The following DISC1 variants were observed in gnomAD, a reference collection of about 807,000 sequenced individuals.
DISC1 encodes the protein DISC1 scaffold protein, also known as disrupted in schizophrenia 1 protein.
In DISC1, 57 loss-of-function variants were observed where a neutral mutation model predicts 84.5. That is an observed-to-expected ratio of 0.67 (90% CI 0.55 to 0.84). The LOEUF is 0.84. Among genes scored for constraint, DISC1 ranks in the 40% least tolerant of loss-of-function variants. DISC1 has a pLI of 0.00. For synonymous variants in DISC1, 411 were observed against 415.2 expected, an observed-to-expected ratio of 0.99 and a Z score of 0.12; for missense variants, 1,000 against 1,057.8, an observed-to-expected ratio of 0.95 and a Z score of 0.76.
At chr1:231,686,471 C>T (rs374043302) in intron 1 of DISC1, among the ~76,000 whole-genome samples, 5 of 152,170 alleles carry the variant, frequency 3.3e-5, no homozygotes, top group Admixed American at 6.5e-5. Flanking sequence ...AGCCACGGCC[C>T]GAGCTCTATG....
At chr1:231,874,621 A>G (rs1002589557) in intron 9 of DISC1, among the ~76,000 whole-genome samples, 1 of 151,888 alleles carries the variant, frequency 6.6e-6, no homozygotes, top group African/African-American at 2.4e-5. Flanking sequence ...TGAATTATTA[A>G]GAATACCAGG....
At chr1:232,023,434 C>T (rs6541293) in intron 11 of DISC1, among the ~76,000 whole-genome samples, 99,945 of 151,734 alleles carry the variant, frequency 0.66, 33,200 homozygotes, top group East Asian at 0.72. Flanking sequence ...ATTACAAGGG[C>T]TTAATAAAAG....
chr1:231,853,017 A>G (rs769140713), intron 9 of DISC1, among the ~76,000 whole-genome samples: 3 of 152,194 alleles, frequency 2.0e-5, no homozygotes, highest in Non-Finnish European at 2.9e-5. Flanking sequence ...ATTAGACTGC[A>G]GTTAGGAAAT....
chr1:231,878,500 A>C (rs1472856085), intron 9 of DISC1, among the ~76,000 whole-genome samples: 1 of 152,128 alleles, frequency 6.6e-6, no homozygotes, highest in Non-Finnish European at 1.5e-5. Context: ...AGAGATGGGG[A>C]GCTGAGAGGG....
chr1:231,696,640 C>T (rs2065746309), intron 2 of DISC1, among the ~76,000 whole-genome samples: 1 of 152,204 alleles, frequency 6.6e-6, no homozygotes, highest in African/African-American at 2.4e-5. Context: ...GACAGTGGTC[C>T]TGTGAGATTA....
intron 10 of DISC1, among the ~76,000 whole-genome samples, chr1:231,992,967 C>T (rs1006080930): frequency 2.0e-5 from 3 of 152,048 alleles, no homozygotes; most frequent in Non-Finnish European, 2.9e-5. Context: ...TAGAAGAGGG[C>T]GTCTGTAGAC....
intron 9 of DISC1, among the ~76,000 whole-genome samples, chr1:231,922,416 C>T (rs909221903): frequency 6.6e-6 from 1 of 152,156 alleles, no homozygotes; most frequent in Non-Finnish European, 1.5e-5. Flanking sequence ...ACTGAGCCCA[C>T]GAAGCTTGTC....
rs201443111 is a variant in DISC1, at chr1:232,009,193, T to C, written c.2307+144T>C. 2.2e-5 allele frequency: 32 copies of C among 1,446,774 alleles called. No individual in the cohort carries two copies. Among genetic ancestry groups the C allele is most frequent in the Non-Finnish European group, 2.7e-5 (30 of 1,099,628 alleles). 89.6% of individuals were successfully genotyped at this position (1,446,774 alleles called of 1,614,324 possible). On this transcript the variant is annotated intron_variant, in intron 11 of 12. Coordinates refer to ENST00000439617, the MANE Select transcript of DISC1 (RefSeq NM_018662.3). The surrounding 1 kb of genome is among the most constrained non-coding windows in gnomAD (Gnocchi z 4.6). ...TAAAAGTTTCAATAACTCTTGAATA[T>C]GATTACAAAATAAAGTAGAATTTTT...
chr1:231,765,456 G>A (rs2076103004), intron 4 of DISC1, among the ~76,000 whole-genome samples: 1 of 152,022 alleles, frequency 6.6e-6, no homozygotes, highest in Non-Finnish European at 1.5e-5. Context: ...TTATAAATTA[G>A]CAATATTATC....
chr1:231,682,910 T>G (rs1406360062), intron 1 of DISC1, among the ~76,000 whole-genome samples: 1 of 152,242 alleles, frequency 6.6e-6, no homozygotes, highest in Non-Finnish European at 1.5e-5. Context: ...TTTTTGACCC[T>G]TAAACACGAA....
chr1:231,988,396 A>G (rs1291733690), intron 10 of DISC1, among the ~76,000 whole-genome samples: 4 of 152,208 alleles, frequency 2.6e-5, no homozygotes, highest in Admixed American at 6.5e-5. Context: ...AAAATCTACT[A>G]TGATCTGAAT....
intron 9 of DISC1, among the ~76,000 whole-genome samples, chr1:231,849,369 C>T (rs975865404): frequency 5.9e-5 from 9 of 152,136 alleles, no homozygotes; most frequent in African/African-American, 1.9e-4. Flanking sequence ...ATCCATCCAC[C>T]TCGGCCTCCC....
intron 10 of DISC1, among the ~76,000 whole-genome samples, chr1:231,981,864 C>T (rs1469698554): frequency 1.3e-5 from 2 of 152,066 alleles, no homozygotes; most frequent in African/African-American, 4.8e-5. Flanking sequence ...TGTTAGGTGG[C>T]CTTTGGCCAC....
intron 9 of DISC1, among the ~76,000 whole-genome samples, chr1:231,931,672 A>G (rs1345485502): frequency 6.8e-6 from 1 of 146,830 alleles, no homozygotes; most frequent in Non-Finnish European, 1.5e-5. Flanking sequence ...TCTTTGAGAC[A>G]GGGTCTCACT....
intron 2 of DISC1, among the ~76,000 whole-genome samples, chr1:231,699,560 G>T (rs2066145908): frequency 1.3e-5 from 2 of 152,108 alleles, no homozygotes; most frequent in Admixed American, 1.3e-4. Flanking sequence ...AATATAACCG[G>T]AATCAGATCA....
rs1353070801 is a variant in DISC1 at position 231,995,312 on chromosome 1, ATTTTCTTT to A, written c.2043-13460_2043-13453del. On this transcript the variant is annotated intron_variant, in intron 10 of 12. Transcript: ENST00000439617. ...CACCATCATATAAAAAGACCTGGTT[ATTTTCTTT>A]TTTTCTTTTTTTATTTATTTTATTT... 4.6e-5 allele frequency among the ~76,000 whole-genome samples: 7 copies of A among 151,574 alleles called. 1 individual carries two copies. Among genetic ancestry groups the A allele is most frequent in the South Asian group, 2.1e-4 (1 of 4,798 alleles).
At chr1:231,982,752 T>C (rs1572476185) in intron 10 of DISC1, among the ~76,000 whole-genome samples, 1 of 151,856 alleles carries the variant, frequency 6.6e-6, no homozygotes, top group Non-Finnish European at 1.5e-5. Context: ...AAAAAACAAA[T>C]ACGCAAAGAT....
chr1:231,686,166 G>C (rs2064246952), intron 1 of DISC1, among the ~76,000 whole-genome samples: 1 of 152,184 alleles, frequency 6.6e-6, no homozygotes, highest in African/African-American at 2.4e-5. Flanking sequence ...GCTGTAGGTG[G>C]ATCTACCATC....
intron 9 of DISC1, among the ~76,000 whole-genome samples, chr1:231,848,176 G>T (rs950261523): frequency 1.3e-5 from 2 of 152,138 alleles, no homozygotes; most frequent in Non-Finnish European, 2.9e-5. Context: ...TTGGAGACGC[G>T]TATCAATGCC....
Sources: gnomAD v4.1 joint callset for allele counts (sites outside exome capture counted in the v4.1 genomes callset) on GRCh38, gnomAD v4.1.1 for gene constraint, Gnocchi (gnomAD v3.1) non-coding constraint, MANE v1.5 for transcripts, NCBI Gene and HGNC (gene_info 2026-07-23, HGNC 2026-07-21) for gene names.